Variants in DDX6 observed in about 807,000 individuals in gnomAD.
DDX6 encodes DEAD-box helicase 6, also known as probable ATP-dependent RNA helicase DDX6.
A neutral mutation model predicts 60.6 loss-of-function variants in DDX6; 7 were observed. That is an observed-to-expected ratio of 0.12 (90% confidence interval 0.07 to 0.22). The LOEUF is 0.22. Ranked by LOEUF, DDX6 falls within the 10% of genes least tolerant of loss-of-function variation. The pLI, the probability that DDX6 is intolerant of heterozygous loss-of-function variation, is 1.00. For synonymous variants in DDX6, 207 were observed against 201.0 expected (o/e 1.03, Z -0.25); for missense variants, 270 against 589.9 (o/e 0.46, Z 5.62).
intron 4 of DDX6, among the ~76,000 whole-genome samples, chr11:118,776,502 A>G (rs782558038): frequency 6.6e-5 from 10 of 152,204 alleles, no homozygotes; most frequent in African/African-American, 4.8e-5. Context: ...TAGAGATAAA[A>G]GTTGAATGAT....
At chr11:118,765,037 T>C (rs1464474892) in intron 6 of DDX6, among the ~76,000 whole-genome samples, 172 bp downstream of exon 6, 1 of 152,174 alleles carries the variant, frequency 6.6e-6, no homozygotes, top group African/African-American at 2.4e-5. Context: ...AAGTCAAATA[T>C]CGTTTTCAAT....
At chr11:118,788,946 G>C (rs1862172294) in intron 1 of DDX6, 1 of 152,098 alleles carries the variant, frequency 6.6e-6, no homozygotes, top group African/African-American at 2.4e-5. Flanking sequence ...CTCCTAAAGT[G>C]CTAGGATTAC....
At chr11:118,756,365 A>G in intron 10 of DDX6, 42 bp from the exon 11 acceptor site, 1 of 1,463,600 alleles carries the variant, frequency 6.8e-7, no homozygotes, top group East Asian at 2.3e-5. Context: ...ACACTCATAT[A>G]CAGCCCCAAA....
chr11:118,769,096 A>T (rs1476465687), intron 4 of DDX6, among the ~76,000 whole-genome samples: 2 of 151,058 alleles, frequency 1.3e-5, no homozygotes, highest in Admixed American at 6.6e-5. Flanking sequence ...GTTTGAGAAC[A>T]GCTTAGGCAA....
chr11:118,760,290 G>A (rs1861120598), intron 7 of DDX6, among the ~76,000 whole-genome samples: 1 of 152,050 alleles, frequency 6.6e-6, no homozygotes, highest in African/African-American at 2.4e-5. Context: ...CCCGCTTTCT[G>A]TAACAGAATT....
chr11:118,787,948 T>C (rs1055354583), intron 1 of DDX6: 2 of 150,858 alleles, frequency 1.3e-5, no homozygotes, highest in African/African-American at 2.4e-5. Context: ...CTAAACACAC[T>C]AGTAATTTTA....
chr11:118,756,212 A>G, intron 11 of DDX6, 48 bp downstream of exon 11: 1 of 1,545,504 alleles, frequency 6.5e-7, no homozygotes, highest in Non-Finnish European at 8.9e-7. Context: ...AAAGCAAAAA[A>G]CAACTTGGGA....
At chr11:118,765,392 G>T (rs369745627) in intron 5 of DDX6, 37 bp from the exon 6 acceptor site, 1 of 1,607,252 alleles carries the variant, frequency 6.2e-7, no homozygotes, top group Admixed American at 1.7e-5. Context: ...GAAAATATGG[G>T]GTGAGGTGGG....
At chr11:118,760,714 G>A (rs782467369) in intron 7 of DDX6, among the ~76,000 whole-genome samples, 61 of 151,744 alleles carry the variant, frequency 4.0e-4, no homozygotes, top group African/African-American at 1.4e-3. Flanking sequence ...CCAGGTACTC[G>A]GGAGGCTGGG....
intron 13 of DDX6, among the ~76,000 whole-genome samples, chr11:118,753,560 G>C (rs538171166): frequency 1.3e-3 from 192 of 146,286 alleles, no homozygotes; most frequent in African/African-American, 4.6e-3. Flanking sequence ...GGATGGTCTC[G>C]ATCTCTTGAC....
chr11:118,767,777 T>C (rs550089113), intron 5 of DDX6: 1 of 153,334 alleles, frequency 6.5e-6, no homozygotes, highest in African/African-American at 2.4e-5. Context: ...GGATTACAGT[T>C]GTGCGCCACC....
In DDX6 at chr11:118,756,621, C is replaced by T. The variant is rs564050023; in HGVS notation, c.1111-298G>A. On this transcript the variant is annotated intron_variant, in intron 10 of 13. Transcript: ENST00000534980. ...TATTGTATCTTTTTCTAAAGGCAAA[C>T]AGTAAAGAAAAAAAGAAAAATCAGC... Among the ~76,000 whole-genome samples the T allele has an allele frequency of 3.9e-5, 6 of 151,982 alleles. No individual in the cohort carries two copies. The East Asian group carries it at 1.2e-3, about 29-fold the overall frequency.
chr11:118,762,289 AT>A (rs1861201273), intron 7 of DDX6, among the ~76,000 whole-genome samples: 11 of 149,824 alleles, frequency 7.3e-5, no homozygotes, highest in African/African-American at 2.2e-4. Flanking sequence ...AAAAAAAATA[AT>A]AATAATAATA....
chr11:118,782,342 G>A (rs1683540115), intron 2 of DDX6, among the ~76,000 whole-genome samples: 1 of 150,742 alleles, frequency 6.6e-6, no homozygotes, highest in Admixed American at 6.6e-5. Context: ...ATAAAAACAA[G>A]GAGAATATAA....
At chr11:118,780,415 T>G (rs1458931382) in intron 3 of DDX6, among the ~76,000 whole-genome samples, 1 of 152,022 alleles carries the variant, frequency 6.6e-6, no homozygotes, top group African/African-American at 2.4e-5. Flanking sequence ...CCTCCCAAGT[T>G]CAAGTAATTC....
In DDX6 at chr11:118,779,740, G is replaced by C; in HGVS notation, c.265-4C>G. ...TTCCTTTTGTGGAGGTCACATCCTA[G>C]TCAAACAAAAAGGAACAATAAAAGA... On this transcript the variant is annotated splice_region_variant and splice_polypyrimidine_tract_variant and intron_variant, in intron 3 of 13. Transcript: ENST00000534980. 1 of 1,586,604 alleles carries C rather than the reference G, an allele frequency of 6.3e-7. No individual in the cohort carries two copies. The highest frequency in any genetic ancestry group is 8.6e-7 in the Non-Finnish European group (1 of 1,162,502).
intron 2 of DDX6, among the ~76,000 whole-genome samples, chr11:118,782,104 T>A (rs1861918812): frequency 6.6e-6 from 1 of 152,112 alleles, no homozygotes; most frequent in Admixed American, 6.6e-5. Flanking sequence ...TCCCAGCTAC[T>A]CAAGAGGCTG....
intron 6 of DDX6, among the ~76,000 whole-genome samples, chr11:118,764,259 C>G (rs1297605239): frequency 1.3e-5 from 2 of 152,128 alleles, no homozygotes; most frequent in Non-Finnish European, 2.9e-5. Context: ...TGATCTCATT[C>G]TTGCTGTTTT....
rs545932110 is a variant in DDX6 at position 118,751,961 on chromosome 11, TAAAA to T, written c.*140_*143del. 1.7e-3 allele frequency: 664 copies of T among 396,384 alleles called. 10 individuals are homozygous for T. The highest frequency in any genetic ancestry group is 2.1e-3 in the Middle Eastern group (6 of 2,856). The allele number at this position is 396,384 out of a possible 1,614,324, so 24.6% of individuals were successfully genotyped here. ...TTTCAGCCTTTTTCTCTTCACCAGT[TAAAA>T]AAAGAAAATGTCTGAGCTCTTTTAA... On this transcript the variant is annotated 3_prime_UTR_variant, in exon 14 of 14. Transcript: ENST00000534980.
Sources: allele counts gnomAD v4.1 joint callset (sites outside exome capture counted in the v4.1 genomes callset), GRCh38; gene constraint gnomAD v4.1.1; transcripts MANE v1.5; gene names NCBI Gene and HGNC (gene_info 2026-07-23, HGNC 2026-07-21).